DPP6: variants seen among roughly 807,000 people sequenced by gnomAD.
The protein encoded by DPP6 is dipeptidyl peptidase like 6.
Under a neutral mutation model 122.6 loss-of-function variants are expected in DPP6, and 69 were observed. The observed-to-expected ratio is 0.56, with a 90% CI of 0.46 to 0.69. DPP6 has a LOEUF of 0.69. Ranked by LOEUF, DPP6 falls within the 30% of genes least tolerant of loss-of-function variation. DPP6 has a pLI of 0.00. For synonymous variants in DPP6, 418 were observed against 433.1 expected, an observed-to-expected ratio of 0.97 and a Z score of 0.43; for missense variants, 928 against 1,116.9, an observed-to-expected ratio of 0.83 and a Z score of 2.41.
chr7:154,246,900 A>G (rs924885428), intron 1 of DPP6, among the ~76,000 whole-genome samples: 1 of 152,248 alleles, frequency 6.6e-6, no homozygotes, highest in Non-Finnish European at 1.5e-5. Context: ...AAAATGTTAC[A>G]ACTTTTGTGC....
chr7:154,414,189 T>C (rs916519657), intron 1 of DPP6, among the ~76,000 whole-genome samples: 1 of 152,212 alleles, frequency 6.6e-6, no homozygotes, highest in Non-Finnish European at 1.5e-5. Context: ...TGTGTACTAA[T>C]ATGAATTTGG....
At chr7:154,288,774 G>T (rs1269381287) in intron 1 of DPP6, among the ~76,000 whole-genome samples, 2 of 152,168 alleles carry the variant, frequency 1.3e-5, no homozygotes, top group African/African-American at 4.8e-5. Context: ...CTTCTGATAT[G>T]CTGGTAAAAA....
intron 1 of DPP6, among the ~76,000 whole-genome samples, chr7:154,010,218 G>A (rs534379828): frequency 5.3e-5 from 8 of 152,312 alleles, no homozygotes; most frequent in South Asian, 4.1e-4. Context: ...TCCAAGGTCT[G>A]GCAAAGCTTT....
chr7:154,032,742 TTC>T (rs899461880), intron 1 of DPP6, among the ~76,000 whole-genome samples: 2 of 152,110 alleles, frequency 1.3e-5, no homozygotes, highest in African/African-American at 2.4e-5. Flanking sequence ...TTCATTTTTT[TTC>T]TGTCTCATTT....
intron 5 of DPP6, among the ~76,000 whole-genome samples, chr7:154,572,354 A>G (rs903098815): frequency 1.2e-4 from 18 of 152,048 alleles, no homozygotes; most frequent in African/African-American, 4.1e-4. Flanking sequence ...CTATTTATCT[A>G]TATCTTAATT....
intron 1 of DPP6, chr7:154,026,585 C>G (rs1798965999): frequency 6.6e-6 from 1 of 152,262 alleles, no homozygotes; most frequent in South Asian, 2.1e-4. Context: ...TGTACCAACT[C>G]AGTCCTTTTC....
intron 8 of DPP6, among the ~76,000 whole-genome samples, chr7:154,768,654 G>C (rs1410169160): frequency 1.3e-5 from 2 of 152,144 alleles, no homozygotes; most frequent in African/African-American, 4.8e-5. Context: ...CTCTAGAATA[G>C]ATATCACACC....
chr7:154,593,271 G>A (rs1343436886), intron 5 of DPP6, among the ~76,000 whole-genome samples: 2 of 152,176 alleles, frequency 1.3e-5, no homozygotes, highest in African/African-American at 4.8e-5. Context: ...TGATTTCCTT[G>A]GTAGGAGGAG....
chr7:154,550,505 C>A (rs1265317688), intron 4 of DPP6, among the ~76,000 whole-genome samples: 1 of 152,112 alleles, frequency 6.6e-6, no homozygotes, highest in African/African-American at 2.4e-5. Flanking sequence ...TGCTGACAAT[C>A]TTGAAGACAT....
rs1270533158 is a variant in DPP6 at position 154,486,627 on chromosome 7, G to A, written c.457+11590G>A. On this transcript the variant is annotated intron_variant, in intron 3 of 25. Transcript: ENST00000377770. The surrounding 1 kb of genome is among the most constrained non-coding windows in gnomAD (Gnocchi z 4.5). The stretch of plus-strand genomic sequence containing the variant: ...AATTAGAATTAGTTGTGTACTCCAC[G>A]ATACCGCAGTAGAACTTTACAAAAC... Among the ~76,000 whole-genome samples the A allele has an allele frequency of 1.3e-5, 2 of 152,162 alleles. No individual in the cohort carries two copies. Among genetic ancestry groups the A allele is most frequent in the Non-Finnish European group, 2.9e-5 (2 of 68,034 alleles).
intron 1 of DPP6, among the ~76,000 whole-genome samples, chr7:154,425,604 ATGTGTG>A (rs56126099): frequency 7.8e-6 from 1 of 128,236 alleles, no homozygotes; most frequent in African/African-American, 3.6e-5. Flanking sequence ...GGGGAAAAAA[ATGTGTG>A]TGTGTGTGTG....
intron 1 of DPP6, among the ~76,000 whole-genome samples, chr7:154,121,449 A>G (rs572882556): frequency 6.6e-6 from 1 of 152,030 alleles, no homozygotes; most frequent in East Asian, 1.9e-4. Flanking sequence ...GCATTCCCTA[A>G]GTTCTGGTAT....
chr7:154,472,538 G>C (rs1822370758), intron 2 of DPP6, among the ~76,000 whole-genome samples: 1 of 152,170 alleles, frequency 6.6e-6, no homozygotes, highest in South Asian at 2.1e-4. Flanking sequence ...CCCCGTCCCT[G>C]CTATGTTCTG....
chr7:153,757,646 C>A, the DPP6 span, among the ~76,000 whole-genome samples: 1 of 146,458 alleles, frequency 6.8e-6, no homozygotes, highest in African/African-American at 2.7e-5. Flanking sequence ...GCTCCAACTT[C>A]ACAATATTCC....
intron 1 of DPP6, among the ~76,000 whole-genome samples, chr7:154,032,091 G>A (rs1358069258): frequency 1.3e-5 from 2 of 150,862 alleles, no homozygotes; most frequent in East Asian, 3.9e-4. Context: ...AGGATGGATG[G>A]TCTCGATCTC....
chr7:153,979,504 A>G (rs1272578953), intron 1 of DPP6, among the ~76,000 whole-genome samples: 4 of 152,176 alleles, frequency 2.6e-5, no homozygotes, highest in Non-Finnish European at 5.9e-5. Flanking sequence ...AGATAATTTG[A>G]CTTCCTCTCT....
chr7:154,103,696 T>C (rs1022957062), intron 1 of DPP6, among the ~76,000 whole-genome samples: 1 of 152,250 alleles, frequency 6.6e-6, no homozygotes, highest in Non-Finnish European at 1.5e-5. Flanking sequence ...CGGCTGCCAG[T>C]GCAGGCAGAA....
At chr7:154,617,948 A>T (rs1834372883) in intron 5 of DPP6, among the ~76,000 whole-genome samples, 1 of 152,044 alleles carries the variant, frequency 6.6e-6, no homozygotes, top group Admixed American at 6.5e-5. Context: ...AAGAAGGGAG[A>T]GGGACTTCAT....
intron 7 of DPP6, among the ~76,000 whole-genome samples, chr7:154,702,537 T>G (rs1840583855): frequency 6.6e-6 from 1 of 152,252 alleles, no homozygotes; most frequent in Non-Finnish European, 1.5e-5. Flanking sequence ...GGAGAAAGGT[T>G]TCATGCTCTG....
Sources: gnomAD v4.1 joint callset for allele counts (sites outside exome capture counted in the v4.1 genomes callset) on GRCh38, gnomAD v4.1.1 for gene constraint, Gnocchi (gnomAD v3.1) non-coding constraint, MANE v1.5 for transcripts, NCBI Gene and HGNC (gene_info 2026-07-23, HGNC 2026-07-21) for gene names.